The following ARHGAP39 variants were observed in gnomAD, a reference collection of about 807,000 sequenced individuals.
ARHGAP39 encodes the protein rho GTPase-activating protein 39.
Under a neutral mutation model 106.9 loss-of-function variants are expected in ARHGAP39, and 44 were observed. That is an observed-to-expected ratio of 0.41 (90% CI 0.32 to 0.53). The LOEUF is 0.53. ARHGAP39 is among the 20% of genes least tolerant of loss of function. The pLI, the probability that ARHGAP39 is intolerant of heterozygous loss-of-function variation, is 0.21. For synonymous variants in ARHGAP39, 768 were observed against 693.2 expected, an observed-to-expected ratio of 1.11 and a Z score of -1.69; for missense variants, 1,496 against 1,577.3, an observed-to-expected ratio of 0.95 and a Z score of 0.87.
intron 1 of ARHGAP39, among the ~76,000 whole-genome samples, chr8:144,620,827 A>G (rs932178387): frequency 1.3e-5 from 2 of 152,234 alleles, no homozygotes; most frequent in Non-Finnish European, 2.9e-5. Flanking sequence ...GACTGTGAGT[A>G]CAGAAGAGGG....
intron 1 of ARHGAP39, among the ~76,000 whole-genome samples, chr8:144,677,599 C>T (rs188124566): frequency 2.8e-4 from 43 of 151,908 alleles, no homozygotes; most frequent in Admixed American, 2.6e-3. Context: ...AAGAATGTAC[C>T]GGAAAATGTA....
chr8:144,675,204 G>A (rs1222233814), intron 1 of ARHGAP39, among the ~76,000 whole-genome samples: 4 of 152,172 alleles, frequency 2.6e-5, no homozygotes, highest in Non-Finnish European at 5.9e-5. Flanking sequence ...AATGCCATTA[G>A]AATCATACAG....
chr8:144,534,186 C>T lies in ARHGAP39; in HGVS notation c.2631G>A (p.Thr877=), dbSNP rs200742911. 354 of 1,613,392 alleles carry T rather than the reference C, an allele frequency of 2.2e-4. 1 individual carries two copies. The East Asian group carries it at 5.1e-3, about 23-fold the overall frequency. Residue 877 remains threonine, a synonymous_variant, in exon 8 of 12, where the codon ACG becomes ACA. Transcript: ENST00000377307. The part of the protein sequence containing the change: ...VEEPDGVAIS[T]YAKYCYHKLQ... Reference sequence around the variant, plus strand: ...GCTTGTGGTAACAGTACTTGGCATACGTGCTTATCGCCACCCCTGGAAAGG... The same window carrying T: ...GCTTGTGGTAACAGTACTTGGCATATGTGCTTATCGCCACCCCTGGAAAGG...
intron 6 of ARHGAP39, among the ~76,000 whole-genome samples, chr8:144,542,748 G>GGC (rs982085552): frequency 2.1e-4 from 32 of 150,928 alleles, no homozygotes; most frequent in African/African-American, 7.8e-4. Context: ...AGACCATCCT[G>GGC]GCCAACGTGG....
chr8:144,616,831 G>A (rs912118787), intron 1 of ARHGAP39, among the ~76,000 whole-genome samples: 1 of 152,248 alleles, frequency 6.6e-6, no homozygotes, highest in African/African-American at 2.4e-5. Flanking sequence ...TTAAAATCTG[G>A]TAAATAAAAA....
intron 7 of ARHGAP39, among the ~76,000 whole-genome samples, chr8:144,535,845 G>A (rs1458888815): frequency 1.3e-5 from 2 of 152,246 alleles, no homozygotes; most frequent in East Asian, 3.8e-4. Flanking sequence ...CTCCTCTGTA[G>A]GATGGGGACT....
intron 1 of ARHGAP39, among the ~76,000 whole-genome samples, chr8:144,632,210 G>C (rs996392886): frequency 6.6e-6 from 1 of 152,216 alleles, no homozygotes. Flanking sequence ...CATGCACTGT[G>C]AGTACACAAT....
At chr8:144,596,347 C>G (rs1349698905) in intron 2 of ARHGAP39, among the ~76,000 whole-genome samples, 1 of 151,180 alleles carries the variant, frequency 6.6e-6, no homozygotes, top group East Asian at 2.0e-4. Context: ...CACCCCGGCG[C>G]TGTCCACCAC....
chr8:144,533,402 C>T, intron 8 of ARHGAP39, 77 bp from the exon 9 acceptor site: 2 of 1,446,722 alleles, frequency 1.4e-6, no homozygotes, highest in Non-Finnish European at 1.9e-6. Flanking sequence ...GTCTTCTTTC[C>T]CCGAACATAG....
rs138190448 is a variant in ARHGAP39, at chr8:144,653,136, A to G, written c.-82+32550T>C. Among the ~76,000 whole-genome samples, 1,151 of 152,218 alleles carry G rather than the reference A, an allele frequency of 7.6e-3. 9 individuals are homozygous for G. Among genetic ancestry groups the G allele is most frequent in the Non-Finnish European group, 0.012 (825 of 68,006 alleles). ...AACATGGTGAAACCCAGTCTTGACTAAAAATACAAAATAGCTGGGCGTGGT... is the reference window on the plus strand; with the variant it reads ...AACATGGTGAAACCCAGTCTTGACTGAAAATACAAAATAGCTGGGCGTGGT... On this transcript the variant is annotated intron_variant, in intron 1 of 11. Transcript: ENST00000377307.
chr8:144,642,003 T>C (rs1432542456), intron 1 of ARHGAP39, among the ~76,000 whole-genome samples: 1 of 152,238 alleles, frequency 6.6e-6, no homozygotes, highest in Non-Finnish European at 1.5e-5. Context: ...AACAGATGTA[T>C]GTTGCTTTAA....
At position 144,551,062 on chromosome 8, in the gene ARHGAP39, A is replaced by G. The variant is rs183918093; in HGVS notation, c.597-2573T>C. Among the ~76,000 whole-genome samples the G allele has an allele frequency of 2.3e-3, 358 of 152,342 alleles. 2 individuals carry two copies. The highest frequency in any genetic ancestry group is 0.012 in the Admixed American group (183 of 15,308). On this transcript the variant is annotated intron_variant, in intron 4 of 11. Transcript: ENST00000377307. ...GGTCAATGCGAACCATTAGTTTTGC[A>G]TATCTGTGACTCTTTTTACCACTTA...
At chr8:144,654,669 G>A (rs1276644293) in intron 1 of ARHGAP39, among the ~76,000 whole-genome samples, 2 of 151,452 alleles carry the variant, frequency 1.3e-5, no homozygotes, top group South Asian at 2.1e-4. Context: ...CTTCTGAGTT[G>A]GGGCAGAAGC....
Position 144,585,485 on chromosome 8 carries a change from C to T in ARHGAP39, c.81-4208G>A, listed in dbSNP as rs1819147963. On this transcript the variant is annotated intron_variant, in intron 2 of 11. Coordinates refer to ENST00000377307, the MANE Select transcript of ARHGAP39 (RefSeq NM_025251.3). This position sits in a 1 kb window ranked among gnomAD's most constrained non-coding sequence, Gnocchi z 4.6. Reference sequence around the variant, plus strand: ...AGCCAAGGGTTCCCAGCACTGGCTTCCCCTCGTGCACTCTCTTGCCCTTAG... The same window carrying T: ...AGCCAAGGGTTCCCAGCACTGGCTTTCCCTCGTGCACTCTCTTGCCCTTAG... Among the ~76,000 whole-genome samples the T allele has an allele frequency of 6.6e-6, 1 of 151,902 alleles. No homozygotes were observed. The highest frequency in any genetic ancestry group is 2.4e-5 in the African/African-American group (1 of 41,332).
At chr8:144,589,142 G>A (rs776428437) in intron 2 of ARHGAP39, among the ~76,000 whole-genome samples, 1 of 152,206 alleles carries the variant, frequency 6.6e-6, no homozygotes, top group Non-Finnish European at 1.5e-5. Context: ...ATCGGTGGCC[G>A]GAGGACCCTG....
intron 1 of ARHGAP39, among the ~76,000 whole-genome samples, chr8:144,631,781 C>T (rs1375437326): frequency 2.0e-5 from 3 of 152,254 alleles, no homozygotes; most frequent in African/African-American, 7.2e-5. Flanking sequence ...AGCTTCACCT[C>T]GGCCAGAGCC....
intron 1 of ARHGAP39, among the ~76,000 whole-genome samples, chr8:144,628,385 G>C (rs565500117): frequency 6.6e-6 from 1 of 152,278 alleles, no homozygotes; most frequent in Admixed American, 6.5e-5. Flanking sequence ...CACACACAGA[G>C]AGGGCTGGTC....
chr8:144,656,082 C>G (rs1253163189), intron 1 of ARHGAP39, among the ~76,000 whole-genome samples: 1 of 150,364 alleles, frequency 6.7e-6, no homozygotes, highest in African/African-American at 2.5e-5. Flanking sequence ...TAGTTGCCAA[C>G]AGATACATAC....
intron 1 of ARHGAP39, among the ~76,000 whole-genome samples, chr8:144,623,404 T>A (rs191778700): frequency 3.3e-5 from 5 of 152,316 alleles, no homozygotes; most frequent in Admixed American, 2.6e-4. Context: ...ATTTTAAAGA[T>A]CTTGGTAAAG....
Sources: gnomAD v4.1 joint callset for allele counts (sites outside exome capture counted in the v4.1 genomes callset) on GRCh38, gnomAD v4.1.1 for gene constraint, Gnocchi (gnomAD v3.1) non-coding constraint, MANE v1.5 for transcripts, NCBI Gene and HGNC (gene_info 2026-07-23, HGNC 2026-07-21) for gene names.